ELOVL6: variants seen among roughly 807,000 people sequenced by gnomAD.
The protein encoded by ELOVL6 is very long chain fatty acid elongase 6.
ELOVL6 carries 8 observed loss-of-function variants against 31.7 expected under a neutral mutation model. The observed-to-expected ratio is 0.25, with a 90% CI of 0.15 to 0.45. The LOEUF (loss-of-function observed/expected upper bound fraction) is 0.45. ELOVL6 is among the 20% of genes least tolerant of loss of function. ELOVL6 has a pLI of 1.00. For synonymous variants in ELOVL6, 101 were observed against 117.7 expected (o/e 0.86, Z 0.92); for missense variants, 126 against 326.4 (o/e 0.39, Z 4.73).
At chr4:110,117,903 A>AAATATATATATATATATATATATAT in intron 1 of ELOVL6, 2 of 6,506 alleles carry the variant, frequency 3.1e-4, no homozygotes, top group Non-Finnish European at 3.7e-4. Context: ...AAAAAAAAAA[A>AAATATATATATATATATATATATAT]ATATATATAT....
At chr4:110,112,893 A>G (rs1455219158) in intron 1 of ELOVL6, among the ~76,000 whole-genome samples, 2 of 151,480 alleles carry the variant, frequency 1.3e-5, no homozygotes, top group Admixed American at 6.6e-5. Context: ...AATAAAAACA[A>G]AAGAATTAAA....
At chr4:110,076,033 G>T (rs186185805) in intron 2 of ELOVL6, among the ~76,000 whole-genome samples, 35 of 152,288 alleles carry the variant, frequency 2.3e-4, no homozygotes, top group African/African-American at 8.4e-4. Flanking sequence ...AACTTGAATA[G>T]GCATAGTGAT....
At chr4:110,117,914 A>AG (rs1757228003) in intron 1 of ELOVL6, 3 of 25,568 alleles carry the variant, frequency 1.2e-4, no homozygotes, top group African/African-American at 6.5e-4. Flanking sequence ...ATATATATAT[A>AG]TATATATATA....
At chr4:110,054,877 C>T (rs184379125) in intron 3 of ELOVL6, among the ~76,000 whole-genome samples, 193 of 152,048 alleles carry the variant, frequency 1.3e-3, no homozygotes, top group African/African-American at 3.7e-3. Context: ...AAACATGTCC[C>T]GAAATCTCAA....
At chr4:110,191,576 T>A (rs1025335918) in intron 1 of ELOVL6, among the ~76,000 whole-genome samples, 1 of 152,208 alleles carries the variant, frequency 6.6e-6, no homozygotes, top group Admixed American at 6.5e-5. Context: ...AATGTTTGGT[T>A]AACTCATTTC....
chr4:110,136,870 A>G (rs1280653673), intron 1 of ELOVL6, among the ~76,000 whole-genome samples: 1 of 152,098 alleles, frequency 6.6e-6, no homozygotes, highest in Non-Finnish European at 1.5e-5. Context: ...GGAGAAATAG[A>G]GGCCCAAAAA....
At chr4:110,057,777 G>A (rs1755030714) in intron 3 of ELOVL6, among the ~76,000 whole-genome samples, 1 of 150,718 alleles carries the variant, frequency 6.6e-6, no homozygotes, top group South Asian at 2.1e-4. Context: ...TTTGAACCCG[G>A]GACACGGAGG....
At chr4:110,069,131 A>AAATAATAATAAT (rs58966120) in intron 2 of ELOVL6, among the ~76,000 whole-genome samples, 2,273 of 133,632 alleles carry the variant, frequency 0.017, 33 homozygotes, top group South Asian at 0.035. Context: ...CTCTGTCTCC[A>AAATAATAATAAT]AATAATAATA....
At chr4:110,084,030 ATATGG>A (rs1560813617) in intron 2 of ELOVL6, among the ~76,000 whole-genome samples, 22 of 76,510 alleles carry the variant, frequency 2.9e-4, no homozygotes, top group East Asian at 2.0e-3. Flanking sequence ...CATATGCCAT[ATATGG>A]TATATAACAC....
rs576360429 is a variant in ELOVL6 at position 110,048,880 on chromosome 4, C to T, written c.*2458G>A. ...TGAACCTAATACCAAAATGAAAGTG[C>T]TTTGGAAGCATCATTTAGAGTCTTT... On this transcript the variant is annotated 3_prime_UTR_variant, in exon 4 of 4. Transcript: ENST00000302274. 1 of 152,260 alleles carries T rather than the reference C, an allele frequency of 6.6e-6. No individual in the cohort carries two copies. Among genetic ancestry groups the T allele is most frequent in the East Asian group, 1.9e-4 (1 of 5,178 alleles). The allele number at this position is 152,260 out of a possible 1,614,324, so 9.4% of individuals were successfully genotyped here.
intron 1 of ELOVL6, among the ~76,000 whole-genome samples, chr4:110,180,378 A>ATATG (rs752141240): frequency 3.8e-4 from 47 of 124,714 alleles, no homozygotes; most frequent in Non-Finnish European, 6.0e-4. Context: ...ATTTACTTAT[A>ATATG]TATGTATGTA....
intron 1 of ELOVL6, among the ~76,000 whole-genome samples, chr4:110,158,408 A>G (rs1758515293): frequency 6.6e-6 from 1 of 151,830 alleles, no homozygotes; most frequent in African/African-American, 2.4e-5. Context: ...TCCTCTAATC[A>G]TACTAGGTTT....
At chr4:110,120,792 T>C (rs2126253666) in intron 1 of ELOVL6, among the ~76,000 whole-genome samples, 1 of 144,822 alleles carries the variant, frequency 6.9e-6, no homozygotes, top group South Asian at 2.4e-4. Context: ...TTCTTTTTTT[T>C]CTTTTCTTTT....
intron 1 of ELOVL6, among the ~76,000 whole-genome samples, chr4:110,138,353 G>A (rs1319816069): frequency 2.6e-5 from 4 of 152,036 alleles, no homozygotes; most frequent in African/African-American, 9.7e-5. Context: ...CAGATCCTAC[G>A]CTAGGTACTG....
At chr4:110,179,396 C>T (rs7683951) in intron 1 of ELOVL6, among the ~76,000 whole-genome samples, 9,717 of 152,184 alleles carry the variant, frequency 0.064, 332 homozygotes, top group South Asian at 0.12. Context: ...ATCCCAGCTA[C>T]TCAGGAGGCT....
rs185959738 is a variant in ELOVL6 at position 110,171,594 on chromosome 4, C to T, written c.89+26653G>A. ...ACCTGGAGGTTACTGGAGGGTGGTG[C>T]ACGTAGGGAGGACGTGGAAGCTCCA... On this transcript the variant is annotated intron_variant, in intron 1 of 3. Transcript: ENST00000302274. 2.0e-3 allele frequency among the ~76,000 whole-genome samples: 303 copies of T among 151,086 alleles called. 4 individuals are homozygous for T. Among genetic ancestry groups the T allele is most frequent in the Middle Eastern group, 0.017 (5 of 288 alleles).
chr4:110,084,637 C>G (rs1363585270), intron 2 of ELOVL6, among the ~76,000 whole-genome samples: 3 of 127,374 alleles, frequency 2.4e-5, no homozygotes, highest in Non-Finnish European at 4.7e-5. Flanking sequence ...CTCTGTCGCC[C>G]AGACTGGAGT....
At chr4:110,170,965 A>G (rs59111930) in intron 1 of ELOVL6, among the ~76,000 whole-genome samples, 40,652 of 151,970 alleles carry the variant, frequency 0.27, 6,514 homozygotes, top group African/African-American at 0.44. Flanking sequence ...CCCAAGGCAG[A>G]ACTCTAACCT....
At chr4:110,133,426 C>T (rs537025444) in intron 1 of ELOVL6, among the ~76,000 whole-genome samples, 1 of 152,280 alleles carries the variant, frequency 6.6e-6, no homozygotes, top group South Asian at 2.1e-4. Context: ...CATTTCCTTA[C>T]AAATGTTACA....
Sources: gnomAD v4.1 joint callset for allele counts (sites outside exome capture counted in the v4.1 genomes callset) on GRCh38, gnomAD v4.1.1 for gene constraint, MANE v1.5 for transcripts, NCBI Gene and HGNC (gene_info 2026-07-23, HGNC 2026-07-21) for gene names.